Variants in KCNT1 observed in about 807,000 individuals in gnomAD.
KCNT1 encodes the protein potassium sodium-activated channel subfamily T member 1, also known as potassium channel subfamily T member 1.
Under a neutral mutation model 147.8 loss-of-function variants are expected in KCNT1, and 78 were observed. The ratio of observed to expected loss-of-function variants is 0.53; its 90% CI spans 0.44 to 0.64. KCNT1 has a LOEUF of 0.64. Ranked by LOEUF, KCNT1 falls within the 30% of genes least tolerant of loss-of-function variation. The pLI, the probability that KCNT1 is intolerant of heterozygous loss-of-function variation, is 0.00. For synonymous variants in KCNT1, 867 were observed against 748.8 expected (o/e 1.16, Z -2.58); for missense variants, 1,419 against 1,750.3 (o/e 0.81, Z 3.38).
At position 135,730,684 on chromosome 9, in the gene KCNT1, G is replaced by A. The variant is rs995651681; in HGVS notation, c.254+15964G>A. On this transcript the variant is annotated intron_variant, in intron 2 of 30. Coordinates refer to ENST00000371757, the MANE Select transcript of KCNT1 (RefSeq NM_020822.3). This position sits in a 1 kb window ranked among gnomAD's most constrained non-coding sequence, Gnocchi z 4.7. ...TGGGATTTCGGACCTCCGGGATGGT[G>A]TGCTTAAAACACTTGTGTTGGCCGG... 2.0e-5 allele frequency among the ~76,000 whole-genome samples: 3 copies of A among 152,152 alleles called. No individual in the cohort carries two copies. Among genetic ancestry groups the A allele is most frequent in the Non-Finnish European group, 1.5e-5 (1 of 68,030 alleles).
chr9:135,766,513 A>G (rs1477627643), intron 13 of KCNT1, among the ~76,000 whole-genome samples: 1 of 150,356 alleles, frequency 6.7e-6, no homozygotes, highest in Non-Finnish European at 1.5e-5. Flanking sequence ...TGGGCCATCC[A>G]TGGTGGACCC....
At chr9:135,771,734 A>T (rs1276310937) in intron 18 of KCNT1, among the ~76,000 whole-genome samples, 1 of 152,078 alleles carries the variant, frequency 6.6e-6, no homozygotes, top group East Asian at 1.9e-4. Context: ...GTGGAGGCCC[A>T]TGGCCCCTAG....
At chr9:135,773,665 G>A (rs905742221) in intron 19 of KCNT1, among the ~76,000 whole-genome samples, 6 of 152,272 alleles carry the variant, frequency 3.9e-5, no homozygotes, top group Admixed American at 2.6e-4. Context: ...TGCAGGGCCC[G>A]AGGTCCATCC....
chr9:135,769,985 C>T lies in KCNT1; in HGVS notation c.1549C>T (p.Leu517=), dbSNP rs1214290098. Residue 517 remains leucine, a synonymous_variant, in exon 16 of 31, where the codon CTG becomes TTG. Coordinates refer to ENST00000371757, the MANE Select transcript of KCNT1 (RefSeq NM_020822.3). The part of the protein sequence containing the change: ...VCEEECKYAM[L]ALNCICPATS... ...TGAGGAGGAGTGCAAGTACGCCATG[C>T]TGGCGCTGAACTGCATCTGCCCGGC... 6.4e-7 allele frequency: 1 copy of T among 1,556,932 alleles called. No individual in the cohort carries two copies. The highest frequency in any genetic ancestry group is 8.7e-7 in the Non-Finnish European group (1 of 1,150,506).
chr9:135,704,460 G>A (rs138101265), intron 1 of KCNT1, among the ~76,000 whole-genome samples: 6 of 152,246 alleles, frequency 3.9e-5, no homozygotes, highest in East Asian at 1.9e-4. Context: ...GGTCTTCACG[G>A]GCCTCTGGCC....
intron 1 of KCNT1, among the ~76,000 whole-genome samples, chr9:135,707,796 TC>T (rs760517101): frequency 3.9e-5 from 6 of 152,124 alleles, no homozygotes; most frequent in Non-Finnish European, 8.8e-5. Flanking sequence ...CTTCCCCTCT[TC>T]CCGCCGGGCT....
At chr9:135,723,059 T>C (rs1484764607) in intron 2 of KCNT1, among the ~76,000 whole-genome samples, 1 of 152,184 alleles carries the variant, frequency 6.6e-6, no homozygotes, top group East Asian at 1.9e-4. Flanking sequence ...AGCTTTCCTC[T>C]CCTCTCCAGC....
At chr9:135,769,193 G>A (rs1477990160) in intron 15 of KCNT1, among the ~76,000 whole-genome samples, 4 of 142,660 alleles carry the variant, frequency 2.8e-5, no homozygotes, top group East Asian at 4.2e-4. Flanking sequence ...GTGTGCACAC[G>A]TGGGTGACAG....
chr9:135,709,667 A>C (rs1835408199), intron 1 of KCNT1, among the ~76,000 whole-genome samples: 1 of 151,906 alleles, frequency 6.6e-6, no homozygotes, highest in East Asian at 1.9e-4. Flanking sequence ...TTTGAACCTC[A>C]CTCATCCATC....
chr9:135,750,875 G>T, intron 3 of KCNT1, 67 bp from the exon 4 acceptor site: 1 of 1,456,108 alleles, frequency 6.9e-7, no homozygotes, highest in Non-Finnish European at 9.6e-7. Context: ...GCCAGACCCG[G>T]GTGCAGGCCC....
chr9:135,758,229 GCA>G (rs1831640643), intron 9 of KCNT1, among the ~76,000 whole-genome samples, 183 bp from the exon 10 acceptor site: 1 of 146,854 alleles, frequency 6.8e-6, no homozygotes, highest in Non-Finnish European at 1.5e-5. Flanking sequence ...GTGGCCAGGT[GCA>G]GGCTGCCCCA....
chr9:135,722,976 G>A (rs1161245784), intron 2 of KCNT1, among the ~76,000 whole-genome samples: 2 of 152,252 alleles, frequency 1.3e-5, no homozygotes, highest in East Asian at 1.9e-4. Context: ...GGGGGATTAA[G>A]TTGCCCCTTC....
chr9:135,702,884 A>T (rs1401557880), intron 1 of KCNT1: 2 of 156,290 alleles, frequency 1.3e-5, no homozygotes, highest in East Asian at 3.8e-4. Context: ...TGGCTGTCAG[A>T]TGAGGGCGGG....
At chr9:135,706,111 G>A (rs558611024) in intron 1 of KCNT1, among the ~76,000 whole-genome samples, 3 of 152,310 alleles carry the variant, frequency 2.0e-5, no homozygotes, top group African/African-American at 7.2e-5. Context: ...CAGCTCTGGC[G>A]AGTCACTTCA....
chr9:135,760,212 G>A (rs1189342533), intron 11 of KCNT1, among the ~76,000 whole-genome samples: 1 of 152,196 alleles, frequency 6.6e-6, no homozygotes, highest in African/African-American at 2.4e-5. Flanking sequence ...GCCAGGTGCA[G>A]CAGCAGCTGC....
chr9:135,718,684 T>G (rs534062186), intron 2 of KCNT1, among the ~76,000 whole-genome samples: 1 of 152,186 alleles, frequency 6.6e-6, no homozygotes, highest in African/African-American at 2.4e-5. Flanking sequence ...ACGCCCTCCC[T>G]ATTTCTACCC....
intron 2 of KCNT1, among the ~76,000 whole-genome samples, chr9:135,735,719 T>G (rs1433383081): frequency 1.3e-5 from 2 of 152,046 alleles, no homozygotes; most frequent in Admixed American, 6.5e-5. Context: ...TAGAGACAGA[T>G]CCCTGGCTTG....
chr9:135,785,250 G>A, intron 27 of KCNT1, 60 bp from the exon 28 acceptor site: 1 of 1,603,168 alleles, frequency 6.2e-7, no homozygotes, highest in Non-Finnish European at 8.5e-7. Context: ...CCCAGGCTGA[G>A]GCGGCGTGGG....
chr9:135,732,008 A>AGAGAGAGAGAGAGAGG (rs1836485819), intron 2 of KCNT1, among the ~76,000 whole-genome samples: 3 of 97,876 alleles, frequency 3.1e-5, no homozygotes, highest in East Asian at 3.3e-4. Flanking sequence ...AGAGAGAGAG[A>AGAGAGAGAGAGAGAGG]GAGAGAGAGA....
Sources: gnomAD v4.1 joint callset for allele counts (sites outside exome capture counted in the v4.1 genomes callset) on GRCh38, gnomAD v4.1.1 for gene constraint, Gnocchi (gnomAD v3.1) non-coding constraint, MANE v1.5 for transcripts, NCBI Gene and HGNC (gene_info 2026-07-23, HGNC 2026-07-21) for gene names.